ATP10A: variants seen among roughly 807,000 people sequenced by gnomAD.
ATP10A encodes phospholipid-transporting ATPase VA.
A neutral mutation model predicts 147.8 loss-of-function variants in ATP10A; 111 were observed. The observed-to-expected ratio is 0.75, with a 90% CI of 0.64 to 0.88. The LOEUF (loss-of-function observed/expected upper bound fraction) is 0.88. Among genes scored for constraint, ATP10A ranks in the 40% least tolerant of loss-of-function variants. The probability of loss-of-function intolerance (pLI) is 0.00; values close to 1 mark genes in which losing one functional copy is unlikely to be tolerated. For missense variants in ATP10A, 1,927 were observed against 1,959.0 expected, an observed-to-expected ratio of 0.98 and a Z score of 0.31; for synonymous variants, 875 against 841.6, an observed-to-expected ratio of 1.04 and a Z score of -0.69.
At chr15:25,719,430 G>A (rs1437828790) in intron 7 of ATP10A, among the ~76,000 whole-genome samples, 1 of 152,256 alleles carries the variant, frequency 6.6e-6, no homozygotes, top group South Asian at 2.1e-4. Flanking sequence ...CCCCGCAAAT[G>A]CCTCCCCAGC....
chr15:25,676,629 G>C (rs1461133471), downstream of ATP10A, among the ~76,000 whole-genome samples: 3 of 152,056 alleles, frequency 2.0e-5, no homozygotes, highest in African/African-American at 7.2e-5. Context: ...TGGTTATTAG[G>C]AGTACATCAC....
intron 2 of ATP10A, among the ~76,000 whole-genome samples, chr15:25,739,033 A>C (rs1887437637): frequency 1.3e-5 from 2 of 152,190 alleles, no homozygotes; most frequent in Admixed American, 6.5e-5. Context: ...AATGTGTAAC[A>C]GATTCTATAG....
intron 12 of ATP10A, among the ~76,000 whole-genome samples, chr15:25,704,607 C>T (rs1251198128): frequency 1.3e-5 from 2 of 152,216 alleles, no homozygotes; most frequent in Non-Finnish European, 2.9e-5. Context: ...TGGGTCACCC[C>T]ACCAACACTC....
intron 2 of ATP10A, among the ~76,000 whole-genome samples, chr15:25,772,595 T>G (rs1188490274): frequency 2.6e-5 from 4 of 152,208 alleles, no homozygotes; most frequent in Non-Finnish European, 5.9e-5. Context: ...ACATCCATAA[T>G]GCTTTGAAGT....
chr15:25,716,105 C>T (rs975773971), intron 9 of ATP10A, among the ~76,000 whole-genome samples: 2 of 152,358 alleles, frequency 1.3e-5, no homozygotes, highest in African/African-American at 4.8e-5. Flanking sequence ...GATCGATTCT[C>T]GACCGCTTTT....
At chr15:25,732,967 G>T (rs4243756) in intron 3 of ATP10A, among the ~76,000 whole-genome samples, 146,392 of 152,176 alleles carry the variant, frequency 0.96, 70,656 homozygotes, top group East Asian at 1. Flanking sequence ...GGAGAAGGCC[G>T]GGGCTCAGAA....
At position 25,708,280 on chromosome 15, in the gene ATP10A, G is replaced by C. The variant is rs771191473; in HGVS notation, c.2365C>G (p.Gln789Glu). The part of the protein sequence containing the change: ...CSSVDARGRH[Q>E]KKIRSKTQNY... ...TGAGTTTTGCTCCGAATCTTTTTTT[G>C]ATGCCTCCCTCTGGCGTCAACTAGG... The change falls in exon 11 of 21, where the codon CAA (glutamine) becomes GAA (glutamate). Residue 789 changes from glutamine (Q) to glutamate (E), a missense_variant. Physicochemically the swap from Gln to Glu is conservative, Grantham distance 29. Coordinates refer to ENST00000555815, the MANE Select transcript of ATP10A (RefSeq NM_024490.4). 1.1e-5 allele frequency: 18 copies of C among 1,613,966 alleles called. No homozygotes were observed. Among genetic ancestry groups the C allele is most frequent in the South Asian group, 2.2e-5 (2 of 91,088 alleles).
chr15:25,792,682 CG>C (rs539749388), intron 1 of ATP10A, among the ~76,000 whole-genome samples: 66 of 152,240 alleles, frequency 4.3e-4, no homozygotes, highest in Non-Finnish European at 8.1e-4. Context: ...GCACGAAGCA[CG>C]CACTGCACCA....
Position 25,863,142 on chromosome 15 carries a change from C to G in ATP10A, c.-46G>C. On this transcript the variant is annotated 5_prime_UTR_variant, in exon 1 of 21. Coordinates refer to ENST00000555815, the MANE Select transcript of ATP10A (RefSeq NM_024490.4). The stretch of plus-strand genomic sequence containing the variant: ...GGCTCCTCCGCCGCTCACGCCCGCC[C>G]GCGCCGGCCTCTTAGGTTATCATCA... 1.8e-6 allele frequency: 2 copies of G among 1,106,498 alleles called. No individual in the cohort carries two copies. Among genetic ancestry groups the G allele is most frequent in the Non-Finnish European group, 2.2e-6 (2 of 906,708 alleles). 68.5% of individuals were successfully genotyped at this position (1,106,498 alleles called of 1,614,324 possible). A position where few individuals can be genotyped will look rare whatever the true frequency, so the allele number is the denominator to read the frequency against.
At chr15:25,805,511 T>C (rs1318218339) in intron 1 of ATP10A, among the ~76,000 whole-genome samples, 2 of 152,226 alleles carry the variant, frequency 1.3e-5, no homozygotes, top group South Asian at 4.1e-4. Context: ...GCTACTTATA[T>C]ATTTTGATGG....
rs1054661193 is a variant in ATP10A at position 25,679,596 on chromosome 15, C to T, written c.4245G>A (p.Val1415=). The T allele has an allele frequency of 3.1e-6, 5 of 1,610,830 alleles. No individual in the cohort carries two copies. The African/African-American group carries it at 6.7e-5, about 22-fold the overall frequency. Residue 1415 remains valine, a synonymous_variant, in exon 21 of 21, where the codon GTG becomes GTA. Coordinates refer to ENST00000555815, the MANE Select transcript of ATP10A (RefSeq NM_024490.4). ...TCACCCTGCCGGTGCTGGCAGCTCT[C>T]ACCTTGGACTCCTCAGGACACCCTC... is the stretch of plus-strand genomic sequence containing the variant. The part of the protein sequence containing the change: ...SPGGCPEESK[V]RAASTGRVTP...
downstream of ATP10A, among the ~76,000 whole-genome samples, chr15:25,672,762 T>G (rs967694799): frequency 6.6e-6 from 1 of 152,200 alleles, no homozygotes; most frequent in Non-Finnish European, 1.5e-5. Context: ...GCCTTGACTA[T>G]CCTTGTTATG....
intron 1 of ATP10A, among the ~76,000 whole-genome samples, chr15:25,823,229 A>G (rs556698160): frequency 5.3e-5 from 8 of 152,330 alleles, no homozygotes; most frequent in African/African-American, 1.9e-4. Flanking sequence ...TAGCAACAGA[A>G]AAAAACCTCT....
intron 16 of ATP10A, 118 bp from the exon 17 acceptor site, chr15:25,683,604 G>T (rs1899548790): frequency 1.0e-6 from 1 of 996,732 alleles, no homozygotes. Context: ...TGTATTGGCA[G>T]CGATTTCTGC....
chr15:25,717,516 C>G (rs1423646400), intron 8 of ATP10A, among the ~76,000 whole-genome samples: 1 of 152,206 alleles, frequency 6.6e-6, no homozygotes, highest in East Asian at 1.9e-4. Context: ...CAGCCTCCCT[C>G]CTGCCAAGCG....
At chr15:25,794,592 T>C (rs114814976) in intron 1 of ATP10A, among the ~76,000 whole-genome samples, 2,170 of 152,306 alleles carry the variant, frequency 0.014, 52 homozygotes, top group African/African-American at 0.05. Context: ...CTGGGCACAG[T>C]GTGCAGTGAC....
In ATP10A at chr15:25,851,209, C is replaced by A. The variant is rs920742843; in HGVS notation, c.449+11439G>T. Among the ~76,000 whole-genome samples the A allele has an allele frequency of 3.3e-5, 5 of 152,026 alleles. No individual in the cohort carries two copies. In the South Asian group the frequency reaches 6.2e-4, roughly 19 times the overall value. On this transcript the variant is annotated intron_variant, in intron 1 of 20. Transcript: ENST00000555815. ...AACAGAAATAAGGCAGGTCTCTGAG[C>A]GGATCTAAAGTTCCCTACTATGCAA...
chr15:25,771,457 T>A (rs1889331222), intron 2 of ATP10A, among the ~76,000 whole-genome samples: 2 of 152,142 alleles, frequency 1.3e-5, no homozygotes, highest in African/African-American at 4.8e-5. Context: ...GTCTAGCTTC[T>A]AAAACTAAAG....
chr15:25,684,655 T>C (rs1429707325), intron 16 of ATP10A, among the ~76,000 whole-genome samples: 1 of 152,148 alleles, frequency 6.6e-6, no homozygotes, highest in Admixed American at 6.5e-5. Flanking sequence ...TCAACTGCGA[T>C]GGGTCTTGGC....
Sources: gnomAD v4.1 joint callset for allele counts (sites outside exome capture counted in the v4.1 genomes callset) on GRCh38, gnomAD v4.1.1 for gene constraint, MANE v1.5 for transcripts, NCBI Gene and HGNC (gene_info 2026-07-23, HGNC 2026-07-21) for gene names.